DHX8: variants seen among roughly 807,000 people sequenced by gnomAD.
DHX8 encodes DEAH-box helicase 8.
A neutral mutation model predicts 140.7 loss-of-function variants in DHX8; 67 were observed. That is an observed-to-expected ratio of 0.48 (90% CI 0.39 to 0.58). DHX8 has a LOEUF of 0.58. DHX8 is among the 20% of genes least tolerant of loss of function. DHX8 has a pLI of 0.00. For missense variants in DHX8, 887 were observed against 1,550.7 expected (o/e 0.57, Z 7.19); for synonymous variants, 533 against 553.2 (o/e 0.96, Z 0.51).
At position 43,522,694 on chromosome 17, in the gene DHX8, GCCGAAATCA is replaced by G. The variant is rs1270093133; in HGVS notation, c.3443+471_3443+479del. Among the ~76,000 whole-genome samples, 245 of 141,856 alleles carry G rather than the reference GCCGAAATCA, an allele frequency of 1.7e-3. 2 individuals carry two copies. Among genetic ancestry groups the G allele is most frequent in the African/African-American group, 6.5e-3 (242 of 37,270 alleles). The allele number at this position is 141,856 out of a possible 152,430, so 93.1% of individuals were successfully genotyped here. ...ACCCAGGAGGTGGAGGTTGCAGTGAGCCGAAATCACCCATTGCACTCCAGCCTGGGCAAC... is the reference window on the plus strand; with the variant it reads ...ACCCAGGAGGTGGAGGTTGCAGTGAGCCCATTGCACTCCAGCCTGGGCAAC... On this transcript the variant is annotated intron_variant, in intron 22 of 22. Transcript: ENST00000262415.
intron 3 of DHX8, among the ~76,000 whole-genome samples, chr17:43,540,150 C>T (rs185672705): frequency 3.9e-5 from 6 of 152,272 alleles, no homozygotes; most frequent in Admixed American, 3.9e-4. Flanking sequence ...GTCACCAGGA[C>T]GTTGTTAAAA....
At chr17:43,528,614 C>CT (rs781486115), downstream of DHX8, 2 of 1,614,194 alleles carry the variant, frequency 1.2e-6, no homozygotes, top group East Asian at 4.5e-5. Context: ...GACAAAGGGA[C>CT]TGTGTCCTCC....
chr17:43,493,192 TAC>T (rs1221061433), intron 6 of DHX8, 152 bp downstream of exon 6: 2 of 1,203,426 alleles, frequency 1.7e-6, no homozygotes, highest in African/African-American at 3.1e-5. Flanking sequence ...TTTGAAATGT[TAC>T]AGAGCCATTT....
At chr17:43,494,102 T>C (rs928424782) in intron 8 of DHX8, among the ~76,000 whole-genome samples, 2 of 152,152 alleles carry the variant, frequency 1.3e-5, no homozygotes, top group Non-Finnish European at 2.9e-5. Flanking sequence ...GCCTCACAAT[T>C]ATGGAGGAAG....
At chr17:43,532,503 A>G (rs1970995397) in intron 2 of DHX8, among the ~76,000 whole-genome samples, 1 of 152,204 alleles carries the variant, frequency 6.6e-6, no homozygotes, top group South Asian at 2.1e-4. Flanking sequence ...TTTCAAAAAA[A>G]AAAAGAAAAA....
intron 1 of DHX8, among the ~76,000 whole-genome samples, chr17:43,486,963 G>A (rs1372422838): frequency 1.3e-5 from 2 of 151,894 alleles, no homozygotes; most frequent in African/African-American, 4.8e-5. Context: ...AGCATGACAT[G>A]CCTAGCACCA....
chr17:43,484,280 A>G (rs117123227), intron 1 of DHX8, 95 bp downstream of exon 1: 351 of 1,379,374 alleles, frequency 2.5e-4, no homozygotes, highest in Non-Finnish European at 3.4e-4. Context: ...GACCGAAAGT[A>G]TGTTCGTGTG....
downstream of DHX8, among the ~76,000 whole-genome samples, chr17:43,531,245 G>A (rs981640095): frequency 2.0e-5 from 3 of 152,198 alleles, no homozygotes; most frequent in African/African-American, 4.8e-5. Flanking sequence ...CAGATCTAGG[G>A]CTACTAATGT....
downstream of DHX8, chr17:43,528,799 G>A: frequency 1.4e-6 from 2 of 1,429,608 alleles, no homozygotes. Context: ...CTTTGTATGG[G>A]GTAAGGTGGG....
chr17:43,541,738 G>A (rs775235414), intron 3 of DHX8, among the ~76,000 whole-genome samples: 6 of 152,104 alleles, frequency 3.9e-5, no homozygotes, highest in Non-Finnish European at 7.4e-5. Flanking sequence ...TTGTGTCACC[G>A]CTGTCCCTTA....
At chr17:43,520,683 T>TA (rs901150659) in intron 19 of DHX8, 68 bp from the exon 20 acceptor site, 1 of 1,603,858 alleles carries the variant, frequency 6.2e-7, no homozygotes, top group Non-Finnish European at 8.5e-7. Context: ...CTGACCAAGG[T>TA]CTTGCTCTGG....
At chr17:43,526,392 T>A, downstream of DHX8, 1 of 1,513,106 alleles carries the variant, frequency 6.6e-7, no homozygotes, top group Non-Finnish European at 8.8e-7. Context: ...GGCAGGACCG[T>A]CCCTATGGGG....
chr17:43,535,840 A>G (rs375779711), intron 2 of DHX8, among the ~76,000 whole-genome samples: 2 of 152,172 alleles, frequency 1.3e-5, no homozygotes, highest in East Asian at 3.9e-4. Flanking sequence ...GGGCGGGCGC[A>G]CTGGGCTCAC....
At chr17:43,536,569 G>A in intron 3 of DHX8, 1 of 1,126,606 alleles carries the variant, frequency 8.9e-7, no homozygotes, top group South Asian at 1.3e-5. Context: ...ATTAGCAACA[G>A]CCAAGAAAGG....
At chr17:43,523,364 G>T (rs920874397) in intron 22 of DHX8, among the ~76,000 whole-genome samples, 1 of 152,218 alleles carries the variant, frequency 6.6e-6, no homozygotes, top group Non-Finnish European at 1.5e-5. Flanking sequence ...GAGAAGGGAT[G>T]TGATTGGCTC....
In DHX8 at chr17:43,500,078, A is replaced by G. The variant is rs774099816; in HGVS notation, c.1521A>G (p.Lys507=). The G allele has an allele frequency of 1.6e-5, 26 of 1,614,104 alleles. 1 individual carries two copies. In the South Asian group the frequency reaches 2.7e-4, roughly 17 times the overall value. ...ATTCTATTCCCATGGGACTCAACAA[A>G]CACTGGGTTGACCCTCTGCCTGATG... ...EMDSIPMGLN[K]HWVDPLPDAE... is the part of the protein sequence containing the mutation. The change falls in exon 11 of 23, where the codon AAA becomes AAG. Residue 507 remains lysine, a synonymous_variant. Coordinates refer to ENST00000262415, the MANE Select transcript of DHX8 (RefSeq NM_004941.3).
chr17:43,536,592 T>C, intron 3 of DHX8: 1 of 843,846 alleles, frequency 1.2e-6, no homozygotes, highest in Non-Finnish European at 2.0e-6. Context: ...CAACAGCCTT[T>C]AGATCAGGGG....
intron 9 of DHX8, among the ~76,000 whole-genome samples, chr17:43,497,849 C>T (rs780192758): frequency 6.6e-6 from 1 of 152,152 alleles, no homozygotes; most frequent in Non-Finnish European, 1.5e-5. Flanking sequence ...ACCGTTTATA[C>T]TTCTGCCATA....
At chr17:43,532,843 C>G in intron 2 of DHX8, 1 of 1,613,630 alleles carries the variant, frequency 6.2e-7, no homozygotes, top group Non-Finnish European at 8.5e-7. Context: ...GGCAGGGCTC[C>G]GACAGCTGGT....
Sources: gnomAD v4.1 joint callset for allele counts (sites outside exome capture counted in the v4.1 genomes callset) on GRCh38, gnomAD v4.1.1 for gene constraint, MANE v1.5 for transcripts, NCBI Gene and HGNC (gene_info 2026-07-23, HGNC 2026-07-21) for gene names.